The following IPO4 variants were observed in gnomAD, a reference collection of about 807,000 sequenced individuals.
The protein encoded by IPO4 is importin 4, also known as importin-4.
IPO4 carries 91 observed loss-of-function variants against 133.5 expected under a neutral mutation model. The observed-to-expected ratio is 0.68, with a 90% CI of 0.58 to 0.81. The LOEUF (loss-of-function observed/expected upper bound fraction) is 0.81. Ranked by LOEUF, IPO4 falls within the 30% of genes least tolerant of loss-of-function variation. The probability of loss-of-function intolerance (pLI) is 0.00; values close to 1 mark genes in which losing one functional copy is unlikely to be tolerated. For synonymous variants in IPO4, 607 were observed against 581.6 expected (o/e 1.04, Z -0.63); for missense variants, 1,279 against 1,386.2 (o/e 0.92, Z 1.23).
At chr14:24,183,193 AC>A (rs2039167281) in intron 22 of IPO4, 24 bp from the exon 23 acceptor site, 1 of 1,609,956 alleles carries the variant, frequency 6.2e-7, no homozygotes, top group Non-Finnish European at 8.5e-7. Flanking sequence ...TGGCTGAAGC[AC>A]CAGTCAGGCC....
In IPO4 at chr14:24,186,981, TGACA is replaced by T. The variant is rs1426480405; in HGVS notation, c.655-6_655-3del. On this transcript the variant is annotated splice_polypyrimidine_tract_variant and splice_region_variant and intron_variant, in intron 7 of 29. Coordinates refer to ENST00000354464, the MANE Select transcript of IPO4 (RefSeq NM_024658.4). ...CTCAAGGGCCTCACAGGCCTTTGCC[TGACA>T]GACAAACAAGGCACAAGGTTACCAT... 1.2e-6 allele frequency: 2 copies of T among 1,613,920 alleles called. No homozygotes were observed. Among genetic ancestry groups the T allele is most frequent in the Non-Finnish European group, 1.7e-6 (2 of 1,179,800 alleles).
At chr14:24,187,967 G>A (rs2039249907) in intron 4 of IPO4, 171 bp from the exon 5 acceptor site, 3 of 817,468 alleles carry the variant, frequency 3.7e-6, no homozygotes, top group Non-Finnish European at 5.8e-6. Flanking sequence ...ACAGCACTGT[G>A]GGCATGTAAT....
At chr14:24,185,424 T>C (rs763652970) in intron 13 of IPO4, 35 bp downstream of exon 13, 1 of 1,610,778 alleles carries the variant, frequency 6.2e-7, no homozygotes, top group Admixed American at 1.7e-5. Flanking sequence ...GAAGGGGACA[T>C]TCAAGTGGTG....
chr14:24,187,155 G>A lies in IPO4; in HGVS notation c.589-5C>T, dbSNP rs755730944. 5.0e-6 allele frequency: 8 copies of A among 1,613,408 alleles called. No individual in the cohort carries two copies. In the East Asian group the frequency reaches 1.3e-4, roughly 27 times the overall value. On this transcript the variant is annotated splice_polypyrimidine_tract_variant and splice_region_variant and intron_variant, in intron 6 of 29. Transcript: ENST00000354464. Reference sequence around the variant, plus strand: ...CACCAACATCCGAGCGAGAGGCTGAGGGACACATCACAGAGAGCATGATGC... The same window carrying A: ...CACCAACATCCGAGCGAGAGGCTGAAGGACACATCACAGAGAGCATGATGC...
In IPO4 at chr14:24,183,991, T is replaced by C. The variant is rs1286832245; in HGVS notation, c.1869+7A>G. ...GGCCTGGCCCAGCCCACCCACCCTT[T>C]GCTCACCACAATGCCCTCGGTGGAA... On this transcript the variant is annotated splice_region_variant and intron_variant, in intron 18 of 29. Coordinates refer to ENST00000354464, the MANE Select transcript of IPO4 (RefSeq NM_024658.4). 1.1e-6 allele frequency: 1 copy of C among 888,082 alleles called. No individual in the cohort carries two copies. Among genetic ancestry groups the C allele is most frequent in the Non-Finnish European group, 1.7e-6 (1 of 593,814 alleles). The allele number at this position is 888,082 out of a possible 1,614,324, so 55.0% of individuals were successfully genotyped here.
Position 24,186,893 on chromosome 14 carries a change from GA to G in IPO4, c.740del (p.Leu247ProfsTer7), listed in dbSNP as rs2039230596. ...PVITPYLSEV[L>X]TFCLEVARNV... The stretch of plus-strand genomic sequence containing the variant: ...CCAGGCTCACCTCCAGGCAGAATGT[GA>G]GGACTTCAGAGAGGTAGGGGGTGAT... On this transcript the variant is annotated frameshift_variant, in exon 8 of 30. Coordinates refer to ENST00000354464, the MANE Select transcript of IPO4 (RefSeq NM_024658.4). LOFTEE classifies it high-confidence loss of function. 1.9e-6 allele frequency: 3 copies of G among 1,613,930 alleles called. No individual in the cohort carries two copies. The highest frequency in any genetic ancestry group is 2.5e-6 in the Non-Finnish European group (3 of 1,179,934).
Position 24,188,419 on chromosome 14 carries a change from CG to C in IPO4, c.160del (p.Arg54AlafsTer7). ...LLASAADPQI[R>X]QFAAVLTRRR... ...GCGGGTCAGCACGGCCGCAAACTGG[CG>C]GATCTAGGACGAGGAAGCAAGCACG... On this transcript the variant is annotated frameshift_variant, in exon 3 of 30. Transcript: ENST00000354464. LOFTEE classifies it high-confidence loss of function. 6.2e-7 allele frequency: 1 copy of C among 1,611,310 alleles called. No individual in the cohort carries two copies. The highest frequency in any genetic ancestry group is 1.1e-5 in the South Asian group (1 of 91,068).
Position 24,181,757 on chromosome 14 carries a change from A to G in IPO4, c.2894T>C (p.Leu965Pro). ...GGGACTGGCCATCAACAGGCGGGCA[A>G]GTGCCCCACAGATGTTGTCACGGAC... ...DRVRDNICGALARLLMASPTR... is the reference protein window; with the variant it reads ...DRVRDNICGAPARLLMASPTR... The change falls in exon 27 of 30, where the codon CTT becomes CCT. Residue 965 changes from leucine to proline, a missense_variant. Leu to Pro is a moderately conservative substitution (Grantham distance 98). Around this residue, in one of 3 missense-constraint regions of IPO4, gnomAD observed 575 missense variants for 653.4 expected, o/e 0.88. Transcript: ENST00000354464. 1.2e-6 allele frequency: 2 copies of G among 1,602,196 alleles called. No individual in the cohort carries two copies. The highest frequency in any genetic ancestry group is 1.7e-6 in the Non-Finnish European group (2 of 1,172,440).
Position 24,188,798 on chromosome 14 carries a change from G to C in IPO4, c.-11C>G, listed in dbSNP as rs2039268789. 2 of 1,491,900 alleles carry C rather than the reference G, an allele frequency of 1.3e-6. No individual in the cohort carries two copies. The highest frequency in any genetic ancestry group is 1.4e-5 in the South Asian group (1 of 73,112). 92.4% of individuals were successfully genotyped at this position (1,491,900 alleles called of 1,614,324 possible). On this transcript the variant is annotated 5_prime_UTR_variant, in exon 1 of 30. Coordinates refer to ENST00000354464, the MANE Select transcript of IPO4 (RefSeq NM_024658.4). Reference sequence around the variant, plus strand: ...CCCGGCTGACTCCATGGCAGCAACTGAGCCGCCGCTACTGGGCCGAAAAGG... The same window carrying C: ...CCCGGCTGACTCCATGGCAGCAACTCAGCCGCCGCTACTGGGCCGAAAAGG...
rs1015583310 is a variant in IPO4 at position 24,184,091 on chromosome 14, G to A, written c.1776C>T (p.Ala592=). The change falls in exon 18 of 30, where the codon GCC becomes GCT. Residue 592 remains alanine, a synonymous_variant. Coordinates refer to ENST00000354464, the MANE Select transcript of IPO4 (RefSeq NM_024658.4). ...LRRCTYSLFA[A]LSGLMGEGLA... is the part of the protein sequence containing the mutation. ...GGCCCTCACCCATCAGACCCGATAA[G>A]GCTGCAAATAGGCTGTACCTGGTCA... is the stretch of plus-strand genomic sequence containing the variant. 12 of 1,611,770 alleles carry A rather than the reference G, an allele frequency of 7.4e-6. No individual in the cohort carries two copies. Among genetic ancestry groups the A allele is most frequent in the Non-Finnish European group, 9.3e-6 (11 of 1,179,702 alleles).
chr14:24,185,045 C>T (rs752272924), intron 14 of IPO4, 65 bp from the exon 15 acceptor site: 1 of 1,590,306 alleles, frequency 6.3e-7, no homozygotes, highest in South Asian at 1.1e-5. Flanking sequence ...CACCTCCCTC[C>T]AGGCGGAAAC....
At chr14:24,181,674 C>G (rs752967543) in intron 27 of IPO4, 37 bp downstream of exon 27, 1 of 1,612,052 alleles carries the variant, frequency 6.2e-7, no homozygotes, top group Non-Finnish European at 8.5e-7. Flanking sequence ...CCTCCCTCCT[C>G]AGCTTCCAAG....
In IPO4 at chr14:24,182,390, G is replaced by A. The variant is rs760296414; in HGVS notation, c.2486C>T (p.Ala829Val). The A allele has an allele frequency of 1.9e-6, 3 of 1,611,802 alleles. No individual in the cohort carries two copies. Among genetic ancestry groups the A allele is most frequent in the Non-Finnish European group, 2.5e-6 (3 of 1,179,132 alleles). ...EEDDDQAEYD[A>V]MLLEHAGEAI... ...CTCTCCAGCGTGCTCCAGCAACATG[G>A]CGTCGTATTCAGCCTGTGGAGCCAG... is the stretch of plus-strand genomic sequence containing the variant. The change falls in exon 25 of 30, where the codon GCC becomes GTC. Residue 829 changes from alanine to valine, a missense_variant. By Grantham distance (64) the Ala-to-Val change is moderately conservative (BLOSUM62 0). This residue lies in a region of IPO4 where 575 missense variants were observed against 653.4 expected (regional missense o/e 0.88). Coordinates refer to ENST00000354464, the MANE Select transcript of IPO4 (RefSeq NM_024658.4).
In IPO4 at chr14:24,187,690, T is replaced by A. The variant is rs748039553; in HGVS notation, c.385A>T (p.Ser129Cys). 6.2e-7 allele frequency: 1 copy of A among 1,614,220 alleles called. No individual in the cohort carries two copies. Among genetic ancestry groups the A allele is most frequent in the South Asian group, 1.1e-5 (1 of 91,084 alleles). Residue 129 changes from serine to cysteine, a missense_variant, in exon 5 of 30, where the codon AGC (serine) becomes TGC (cysteine). Around this residue, in one of 3 missense-constraint regions of IPO4, gnomAD observed 695 missense variants for 704.1 expected, o/e 0.99. Transcript: ENST00000354464. ...LLQLLQHSTH[S>C]PHSPEREMGL... is the part of the protein sequence containing the mutation. The stretch of plus-strand genomic sequence containing the variant: ...ACCTCTCTCTCTGGGCTGTGGGGGC[T>A]GTGGGTACTGTGCTGAAGCAGCTGC...
chr14:24,185,975 G>A lies in IPO4; in HGVS notation c.1060-5C>T. 1.2e-6 allele frequency: 2 copies of A among 1,612,948 alleles called. No homozygotes were observed. The highest frequency in any genetic ancestry group is 1.1e-5 in the South Asian group (1 of 91,054). On this transcript the variant is annotated splice_polypyrimidine_tract_variant and splice_region_variant and intron_variant, in intron 11 of 29. Coordinates refer to ENST00000354464, the MANE Select transcript of IPO4 (RefSeq NM_024658.4). ...AGCCTCTTCCAACATGGGCATCTAGGGAAGCATGTGGCACGCTTCTGAAAC... is the reference window on the plus strand; with the variant it reads ...AGCCTCTTCCAACATGGGCATCTAGAGAAGCATGTGGCACGCTTCTGAAAC...
chr14:24,187,562 T>G lies in IPO4; in HGVS notation c.426A>C (p.Leu142=), dbSNP rs1167885429. 6.2e-7 allele frequency: 1 copy of G among 1,614,064 alleles called. No homozygotes were observed. Among genetic ancestry groups the G allele is most frequent in the Admixed American group, 1.7e-5 (1 of 60,012 alleles). ...CGGGCCGGGAGGTCACCACCACACT[T>G]AGCAGCAAAAGCCCCATCTGTCCAA... ...SPEREMGLLL[L]SVVVTSRPEA... Residue 142 remains leucine, a synonymous_variant, in exon 6 of 30, where the codon CTA becomes CTC. Coordinates refer to ENST00000354464, the MANE Select transcript of IPO4 (RefSeq NM_024658.4).
intron 20 of IPO4, 36 bp downstream of exon 20, chr14:24,183,554 C>T (rs754139122): frequency 6.2e-7 from 1 of 1,614,166 alleles, no homozygotes. Context: ...GGCCCCCAGG[C>T]AGGGTTTTCA....
chr14:24,187,245 G>T, intron 6 of IPO4, 95 bp from the exon 7 acceptor site: 1 of 1,500,440 alleles, frequency 6.7e-7, no homozygotes, highest in South Asian at 1.1e-5. Context: ...GAGGAGCCCA[G>T]GCATAACAGC....
At chr14:24,184,478 T>C in intron 16 of IPO4, 60 bp from the exon 17 acceptor site, 4 of 1,564,074 alleles carry the variant, frequency 2.6e-6, no homozygotes, top group Non-Finnish European at 3.5e-6. Flanking sequence ...GGACCAAAGG[T>C]GGTGGCTGGG....
Sources: gnomAD v4.1 joint callset for allele counts on GRCh38, gnomAD v4.1.1 for gene constraint, gnomAD v4.1.1 regional missense constraint, MANE v1.5 for transcripts, NCBI Gene and HGNC (gene_info 2026-07-23, HGNC 2026-07-21) for gene names.